Variants in KMT2D observed in about 807,000 individuals in gnomAD.
The protein encoded by KMT2D is histone-lysine N-methyltransferase 2D.
KMT2D carries 55 observed loss-of-function variants against 512.7 expected under a neutral mutation model. The ratio of observed to expected loss-of-function variants is 0.11; its 90% CI spans 0.09 to 0.13. KMT2D has a LOEUF of 0.13. Ranked by LOEUF, KMT2D falls within the 10% of genes least tolerant of loss-of-function variation. The probability of loss-of-function intolerance (pLI) is 1.00; values close to 1 mark genes in which losing one functional copy is unlikely to be tolerated. For synonymous variants in KMT2D, 2,995 were observed against 2,904.0 expected (o/e 1.03, Z -1.01); for missense variants, 6,061 against 7,127.9 (o/e 0.85, Z 5.39).
rs1222074260 is a variant in KMT2D at position 49,051,268 on chromosome 12, G to A, written c.2415C>T (p.His805=). Residue 805 remains histidine, a synonymous_variant, in exon 11 of 55, where the codon CAC becomes CAT. Coordinates refer to ENST00000301067, the MANE Select transcript of KMT2D (RefSeq NM_003482.4). ...PHLSPQPEEL[H]LSPQTEEPHL... ...GCGGCTCCTCAGTCTGGGGGGACAG[G>A]TGCAATTCCTCAGGCTGAGGGGACA... 1 of 1,544,868 alleles carries A rather than the reference G, an allele frequency of 6.5e-7. No homozygotes were observed. The highest frequency in any genetic ancestry group is 1.2e-5 in the South Asian group (1 of 80,582).
chr12:49,034,803 G>A lies in KMT2D; in HGVS notation c.10355+9C>T, dbSNP rs375151075. On this transcript the variant is annotated intron_variant, in intron 36 of 54. Transcript: ENST00000301067. ...AAAGGGCCAACCCCATTCCAGCCCT[G>A]AGTCTTACCTGTTCATACCAGGTGC... 6.2e-7 allele frequency: 1 copy of A among 1,612,790 alleles called. No individual in the cohort carries two copies. The highest frequency in any genetic ancestry group is 8.5e-7 in the Non-Finnish European group (1 of 1,179,024).
rs374227564 is a variant in KMT2D at position 49,043,388 on chromosome 12, G to A, written c.5508C>T (p.Gly1836=). 14 of 1,613,808 alleles carry A rather than the reference G, an allele frequency of 8.7e-6. No individual in the cohort carries two copies. The African/African-American group carries it at 1.6e-4, about 18-fold the overall frequency. ...GPDIADEESR[G]LEGKADTPGP... ...CTGGTGTATCGGCTTTGCCCTCGAG[G>A]CCACGGGATTCTTCATCTGCAATAT... Residue 1836 remains glycine, a synonymous_variant, in exon 25 of 55, where the codon GGC becomes GGT. Transcript: ENST00000301067.
rs771839808 is a variant in KMT2D at position 49,026,522 on chromosome 12, A to C, written c.15444T>G (p.Ser5148=). Residue 5148 remains serine, a synonymous_variant, in exon 49 of 55, where the codon TCT becomes TCG. Transcript: ENST00000301067. This position sits in a 1 kb window ranked among gnomAD's most constrained non-coding sequence, Gnocchi z 9.6. The part of the protein sequence containing the change: ...IKGPCEQELS[S]FAVFRRVYIE... ...TGTAGACCCGCCGGAAGACAGCAAA[A>C]GAGCTCAGCTCTTGCTCACAGGGCC... 1 of 1,613,966 alleles carries C rather than the reference A, an allele frequency of 6.2e-7. No individual in the cohort carries two copies. Among genetic ancestry groups the C allele is most frequent in the Non-Finnish European group, 8.5e-7 (1 of 1,179,896 alleles).
At position 49,033,752 on chromosome 12, in the gene KMT2D, T is replaced by C. The variant is rs1943073644; in HGVS notation, c.10953A>G (p.Gln3651=). The C allele has an allele frequency of 1.9e-6, 3 of 1,612,520 alleles. No individual in the cohort carries two copies. Among genetic ancestry groups the C allele is most frequent in the Non-Finnish European group, 2.5e-6 (3 of 1,179,464 alleles). ...CAGGGGTCAGGCGAAGACCTCCGGC[T>C]TGCCCACCCGGAGGCCCCTGTGGTG... ...LQPPQGPPGG[Q]AGGLRLTPGG... is the part of the protein sequence containing the mutation. The change falls in exon 40 of 55, where the codon CAA becomes CAG. Residue 3651 remains glutamine (Q), a synonymous_variant. Transcript: ENST00000301067.
chr12:49,021,935 G>C, intron 54 of KMT2D, 63 bp from the exon 55 acceptor site: 2 of 1,564,302 alleles, frequency 1.3e-6, no homozygotes, highest in Non-Finnish European at 1.8e-6. Context: ...GGCCAGAGAA[G>C]ATATGATCTG....
At chr12:49,036,478 ATTTTTTTTTTTTTT>A (rs34412400) in intron 35 of KMT2D, among the ~76,000 whole-genome samples, 6 of 73,450 alleles carry the variant, frequency 8.2e-5, no homozygotes, top group Admixed American at 3.0e-4. Context: ...CACCCAGCTA[ATTTTTTTTTTTTTT>A]TTTTTTTTTT....
rs755074043 is a variant in KMT2D, at chr12:49,022,052, T to C, written c.16512A>G (p.Lys5504=). 2 of 1,613,640 alleles carry C rather than the reference T, an allele frequency of 1.2e-6. No individual in the cohort carries two copies. The highest frequency in any genetic ancestry group is 1.7e-5 in the Admixed American group (1 of 60,030). Residue 5504 remains lysine, a synonymous_variant, in exon 54 of 55, where the codon AAA becomes AAG. Coordinates refer to ENST00000301067, the MANE Select transcript of KMT2D (RefSeq NM_003482.4). The surrounding 1 kb of genome is among the most constrained non-coding windows in gnomAD (Gnocchi z 8.6). ...GGATACTTCCTCTCACCTCCTCTCC[T>C]TTGGGGATTCGCCGGCTGGAGATGA... is the stretch of plus-strand genomic sequence containing the variant. The part of the protein sequence containing the change: ...IIIISSRRIP[K]GEELTYDYQF...
In KMT2D at chr12:49,032,414, A is replaced by C. The variant is rs1467641442; in HGVS notation, c.12291T>G (p.Leu4097=). 1 of 1,591,112 alleles carries C rather than the reference A, an allele frequency of 6.3e-7. No homozygotes were observed. Among genetic ancestry groups the C allele is most frequent in the East Asian group, 2.3e-5 (1 of 43,510 alleles). The change falls in exon 40 of 55, where the codon CTT becomes CTG. Residue 4097 remains leucine, a synonymous_variant. Transcript: ENST00000301067. ...TAACTTGCTGCTGCTGTTGTCCTGGAAGCCTCAGAGGTGGCTGCAGCTGCA... is the reference window on the plus strand; with the variant it reads ...TAACTTGCTGCTGCTGTTGTCCTGGCAGCCTCAGAGGTGGCTGCAGCTGCA... ...SSLQLQPPLR[L]PGQQQQQVSL...
rs1423264450 is a variant in KMT2D at position 49,060,753 on chromosome 12, AAGG to A, written c.-1181_-1179del. 6.6e-6 allele frequency among the ~76,000 whole-genome samples: 1 copy of A among 152,138 alleles called. No individual in the cohort carries two copies. The highest frequency in any genetic ancestry group is 1.5e-5 in the Non-Finnish European group (1 of 68,024). On this transcript the variant is annotated 5_prime_UTR_variant, in exon 1 of 55. Coordinates refer to ENST00000301067, the MANE Select transcript of KMT2D (RefSeq NM_003482.4). ...GGGCACCCCACTCGAGAGGGGGAGA[AAGG>A]AGAAGAGGCGGCCCTATTTTGTGTT...
Position 49,027,061 on chromosome 12 carries a change from C to T in KMT2D, c.14905G>A (p.Glu4969Lys), listed in dbSNP as rs1363299847. The T allele has an allele frequency of 6.2e-7, 1 of 1,613,798 alleles. No homozygotes were observed. ...GGAGGACGGGAATCTTCACCTTCTTCAGGGGGCCGGGCACGGGGCTTGGGT... is the reference window on the plus strand; with the variant it reads ...GGAGGACGGGAATCTTCACCTTCTTTAGGGGGCCGGGCACGGGGCTTGGGT... Reference protein sequence around the residue: ...ARPKPRARPPEEGEDSRPPRL... With the variant: ...ARPKPRARPPKEGEDSRPPRL... The change falls in exon 49 of 55, where the codon GAA becomes AAA. Residue 4969 changes from glutamate (E) to lysine (K), a missense_variant. By Grantham distance (56) the Glu-to-Lys change is moderately conservative. Around this residue, in one of 16 missense-constraint regions of KMT2D, gnomAD observed 1,600 missense variants for 1,754.9 expected, o/e 0.91. Transcript: ENST00000301067.
At position 49,031,415 on chromosome 12, in the gene KMT2D, T is replaced by G; in HGVS notation, c.13290A>C (p.Ser4430=). The change falls in exon 40 of 55, where the codon TCA becomes TCC. Residue 4430 remains serine, a synonymous_variant. Transcript: ENST00000301067. ...GCTCCCCATTGGCCTCCCTCTTCAC[T>G]GACTGGGCTCCCAGGGCACATGGCT... The part of the protein sequence containing the change: ...REEPCALGAQ[S]VKREANGEPI... The G allele has an allele frequency of 2.5e-6, 4 of 1,613,724 alleles. No individual in the cohort carries two copies. Among genetic ancestry groups the G allele is most frequent in the Non-Finnish European group, 3.4e-6 (4 of 1,179,880 alleles).
Position 49,060,731 on chromosome 12 carries a change from C to A in KMT2D, c.-1156G>T, listed in dbSNP as rs1207781409. Among the ~76,000 whole-genome samples the A allele has an allele frequency of 6.6e-6, 1 of 152,350 alleles. No individual in the cohort carries two copies. Among genetic ancestry groups the A allele is most frequent in the East Asian group, 1.9e-4 (1 of 5,176 alleles). ...ATCCGGGGGGGCCTTTTGCCCGGGG[C>A]ACCCCACTCGAGAGGGGGAGAAAGG... On this transcript the variant is annotated 5_prime_UTR_variant, in exon 1 of 55. Coordinates refer to ENST00000301067, the MANE Select transcript of KMT2D (RefSeq NM_003482.4).
At chr12:49,058,104 C>T (rs992273628) in intron 1 of KMT2D, among the ~76,000 whole-genome samples, 4 of 152,178 alleles carry the variant, frequency 2.6e-5, no homozygotes, top group Admixed American at 6.5e-5. Flanking sequence ...TCCTGGTTCC[C>T]AGCCTGGACT....
In KMT2D at chr12:49,041,389, G is replaced by T. The variant is rs774794711; in HGVS notation, c.6381C>A (p.Gly2127=). 8 of 1,603,392 alleles carry T rather than the reference G, an allele frequency of 5.0e-6. No homozygotes were observed. The highest frequency in any genetic ancestry group is 6.8e-6 in the Non-Finnish European group (8 of 1,174,544). ...PPAAAPTIFI[G]SPTTPAGLST... is the part of the protein sequence containing the mutation. The stretch of plus-strand genomic sequence containing the variant: ...ACAAGCCGGCGGGGGTAGTGGGGCT[G>T]CCAATGAAAATGGTGGGGGCAGCAG... Residue 2127 remains glycine, a synonymous_variant, in exon 32 of 55, where the codon GGC becomes GGA. Coordinates refer to ENST00000301067, the MANE Select transcript of KMT2D (RefSeq NM_003482.4). The surrounding 1 kb of genome is among the most constrained non-coding windows in gnomAD (Gnocchi z 5.4).
At position 49,040,079 on chromosome 12, in the gene KMT2D, C is replaced by A. The variant is rs1476283751; in HGVS notation, c.7691G>T (p.Ser2564Ile). The A allele has an allele frequency of 1.2e-6, 2 of 1,613,948 alleles. No homozygotes were observed. Among genetic ancestry groups the A allele is most frequent in the South Asian group, 2.2e-5 (2 of 91,082 alleles). The stretch of plus-strand genomic sequence containing the variant: ...CAAGGTGGGGCCGGGCCCAAAATGG[C>A]TGTTGATCCCATGGGGTGGCGGGAG... Reference protein sequence around the residue: ...PGLPPPHGINSHFGPGPTLGK... With the variant: ...PGLPPPHGINIHFGPGPTLGK... The change falls in exon 32 of 55, where the codon AGC becomes ATC. Residue 2564 changes from serine (S) to isoleucine (I), a missense_variant. Coordinates refer to ENST00000301067, the MANE Select transcript of KMT2D (RefSeq NM_003482.4).
chr12:49,043,236 C>T (rs751535352), intron 25 of KMT2D, 50 bp from the exon 26 acceptor site: 1 of 1,557,002 alleles, frequency 6.4e-7, no homozygotes, highest in Non-Finnish European at 8.9e-7. Flanking sequence ...TGGGTCATGG[C>T]CACTCTGAAC....
Position 49,042,726 on chromosome 12 carries a change from T to G in KMT2D, c.5782+15A>C, listed in dbSNP as rs750077669. On this transcript the variant is annotated intron_variant, in intron 27 of 54. Transcript: ENST00000301067. The surrounding 1 kb of genome is among the most constrained non-coding windows in gnomAD (Gnocchi z 4.4). ...TTGGTTATGTCAGTCTTCAGACCAC[T>G]CCCACCTGTATTACCTTGAAGAAAG... is the stretch of plus-strand genomic sequence containing the variant. 2 of 1,611,724 alleles carry G rather than the reference T, an allele frequency of 1.2e-6. No homozygotes were observed. Among genetic ancestry groups the G allele is most frequent in the Non-Finnish European group, 1.7e-6 (2 of 1,178,346 alleles).
At position 49,024,001 on chromosome 12, in the gene KMT2D, G is replaced by A. The variant is rs928498179; in HGVS notation, c.16052+577C>T. 3.4e-5 allele frequency: 15 copies of A among 447,134 alleles called. No individual in the cohort carries two copies. In the Admixed American group the frequency reaches 3.8e-4, roughly 11 times the overall value. 27.7% of individuals were successfully genotyped at this position (447,134 alleles called of 1,614,324 possible). ...TTGCCTAGTCATTTAATCTTTCTGG[G>A]TCTCAGTTTTCTCAGCTGTAAAATG... On this transcript the variant is annotated intron_variant, in intron 51 of 54. Coordinates refer to ENST00000301067, the MANE Select transcript of KMT2D (RefSeq NM_003482.4). This position sits in a 1 kb window ranked among gnomAD's most constrained non-coding sequence, Gnocchi z 4.5.
rs758223120 is a variant in KMT2D at position 49,032,097 on chromosome 12, C to G, written c.12608G>C (p.Gly4203Ala). ...CAGCTGTGGGTTTTTGGCCAGGACT[C>G]CTTGGAGCTGTGCTCGAAGCTGACC... ...TVGQLRAQLQ[G>A]VLAKNPQLRH... Residue 4203 changes from glycine to alanine, a missense_variant, in exon 40 of 55, where the codon GGA (glycine) becomes GCA (alanine). This residue lies in a region of KMT2D where 1,600 missense variants were observed against 1,754.9 expected (regional missense o/e 0.91). Transcript: ENST00000301067. The G allele has an allele frequency of 5.0e-6, 8 of 1,613,700 alleles. No homozygotes were observed. Among genetic ancestry groups the G allele is most frequent in the Non-Finnish European group, 5.1e-6 (6 of 1,179,842 alleles).
Sources: allele counts gnomAD v4.1 joint callset (sites outside exome capture counted in the v4.1 genomes callset), GRCh38; gene constraint gnomAD v4.1.1; regional missense constraint gnomAD v4.1.1; non-coding constraint Gnocchi (gnomAD v3.1); transcripts MANE v1.5; gene names NCBI Gene and HGNC (gene_info 2026-07-23, HGNC 2026-07-21).